Variants in TRPM3 observed in about 807,000 individuals in gnomAD.
The protein encoded by TRPM3 is transient receptor potential cation channel subfamily M member 3, also known as long transient receptor potential channel 3.
Under a neutral mutation model 181.2 loss-of-function variants are expected in TRPM3, and 77 were observed. That is an observed-to-expected ratio of 0.42 (90% CI 0.35 to 0.51). The LOEUF is 0.51. TRPM3 is among the 20% of genes least tolerant of loss of function. The pLI, the probability that TRPM3 is intolerant of heterozygous loss-of-function variation, is 0.01. For missense variants in TRPM3, 1,759 were observed against 2,196.7 expected, an observed-to-expected ratio of 0.80 and a Z score of 3.98; for synonymous variants, 745 against 796.4, an observed-to-expected ratio of 0.94 and a Z score of 1.09.
chr9:70,615,572 C>G (rs2062663666), intron 18 of TRPM3, among the ~76,000 whole-genome samples: 1 of 152,212 alleles, frequency 6.6e-6, no homozygotes, highest in Admixed American at 6.5e-5. Context: ...ATTCCCTTTC[C>G]TTCTCTGTGT....
intron 1 of TRPM3, among the ~76,000 whole-genome samples, chr9:71,120,678 T>C (rs904369821): frequency 6.6e-6 from 1 of 152,200 alleles, no homozygotes; most frequent in Non-Finnish European, 1.5e-5. Context: ...TTTGTTCATC[T>C]TCACCTGACT....
chr9:71,409,385 A>C lies in TRPM3; in HGVS notation c.183+37268T>G, dbSNP rs186296508. ...ACCCATCTCACATGCAGAGACACAC[A>C]TAGGCTCAAAATAAAGGGATAGAGG... On this transcript the variant is annotated intron_variant, in intron 1 of 24. Transcript: ENST00000357533. Among the ~76,000 whole-genome samples the C allele has an allele frequency of 6.6e-5, 10 of 152,330 alleles. No homozygotes were observed. In the East Asian group the frequency reaches 1.9e-3, roughly 29 times the overall value.
intron 1 of TRPM3, among the ~76,000 whole-genome samples, chr9:71,217,400 G>A (rs190842069): frequency 1.2e-3 from 190 of 152,258 alleles, no homozygotes; most frequent in Admixed American, 2.8e-3. Context: ...ACAGAGGTTG[G>A]GGGAAAAGGA....
intron 1 of TRPM3, among the ~76,000 whole-genome samples, chr9:71,194,399 T>G (rs2078217051): frequency 6.6e-6 from 1 of 151,946 alleles, no homozygotes; most frequent in South Asian, 2.1e-4. Flanking sequence ...AAGTCAGGTG[T>G]GGCCCTGTTG....
intron 6 of TRPM3, among the ~76,000 whole-genome samples, chr9:70,795,559 C>T (rs1031237122): frequency 6.6e-6 from 1 of 152,234 alleles, no homozygotes; most frequent in African/African-American, 2.4e-5. Context: ...ATTCCCTTCT[C>T]GTGTGTCCAA....
intron 9 of TRPM3, among the ~76,000 whole-genome samples, chr9:70,671,338 G>A (rs1219627881): frequency 6.6e-6 from 1 of 152,082 alleles, no homozygotes; most frequent in African/African-American, 2.4e-5. Flanking sequence ...AGGGACTGTG[G>A]GTAGGAGTGG....
At chr9:71,135,703 A>G (rs1034381350) in intron 1 of TRPM3, among the ~76,000 whole-genome samples, 6 of 152,190 alleles carry the variant, frequency 3.9e-5, no homozygotes, top group Non-Finnish European at 8.8e-5. Flanking sequence ...GGATATAAGT[A>G]GAGAGTTTTG....
chr9:71,202,845 T>G (rs1168917582), intron 1 of TRPM3, among the ~76,000 whole-genome samples: 1 of 152,174 alleles, frequency 6.6e-6, no homozygotes, highest in African/African-American at 2.4e-5. Flanking sequence ...GTTAGAAGGA[T>G]TAAATGAGAA....
At chr9:71,105,513 G>C (rs1214006587) in intron 1 of TRPM3, among the ~76,000 whole-genome samples, 1 of 152,130 alleles carries the variant, frequency 6.6e-6, no homozygotes, top group Non-Finnish European at 1.5e-5. Flanking sequence ...ATCATGTTAG[G>C]ATTGGCTATT....
chr9:70,768,647 G>A (rs888197168), intron 7 of TRPM3, among the ~76,000 whole-genome samples: 3 of 151,896 alleles, frequency 2.0e-5, no homozygotes, highest in Non-Finnish European at 2.9e-5. Context: ...TGGGCCAGGT[G>A]TGGTGGCTCA....
At chr9:71,132,355 T>C (rs1238465977) in intron 1 of TRPM3, among the ~76,000 whole-genome samples, 5 of 152,164 alleles carry the variant, frequency 3.3e-5, no homozygotes, top group Non-Finnish European at 7.3e-5. Context: ...AATATATATT[T>C]TTAGAAGAAA....
At chr9:71,028,127 C>T (rs539663044) in intron 1 of TRPM3, among the ~76,000 whole-genome samples, 10 of 152,220 alleles carry the variant, frequency 6.6e-5, no homozygotes, top group African/African-American at 2.4e-4. Flanking sequence ...TTAGCAAAAA[C>T]CATACAAGCC....
chr9:70,676,084 G>A lies in TRPM3; in HGVS notation c.1345+5422C>T, dbSNP rs955096314. On this transcript the variant is annotated intron_variant, in intron 9 of 25. Coordinates refer to ENST00000677713, the MANE Select transcript of TRPM3 (RefSeq NM_001366145.2). ...TGTTTTTGATGACCTTGACATTTAT[G>A]AGGAGAAACATATTGTTTTGGCACT... Among the ~76,000 whole-genome samples, 9 of 152,266 alleles carry A rather than the reference G, an allele frequency of 5.9e-5. No individual in the cohort carries two copies. In the South Asian group the frequency reaches 8.3e-4, roughly 14 times the overall value.
chr9:71,268,730 G>T (rs1043943630), intron 1 of TRPM3, among the ~76,000 whole-genome samples: 1 of 152,114 alleles, frequency 6.6e-6, no homozygotes, highest in African/African-American at 2.4e-5. Flanking sequence ...GCTGAGGTGG[G>T]AGAATCACTT....
At chr9:71,341,116 C>A (rs967362480) in intron 1 of TRPM3, among the ~76,000 whole-genome samples, 4 of 151,882 alleles carry the variant, frequency 2.6e-5, no homozygotes, top group Non-Finnish European at 4.4e-5. Flanking sequence ...GGAAAAGGAA[C>A]TCTTATAAAA....
At chr9:70,825,789 C>T (rs7863095) in intron 6 of TRPM3, 56,408 of 152,188 alleles carry the variant, frequency 0.37, 12,171 homozygotes, top group African/African-American at 0.59. Context: ...CCTTCAGGCA[C>T]GTACATTGCA....
Position 70,619,574 on chromosome 9 carries a change from C to T in TRPM3, c.2130-479G>A, listed in dbSNP as rs116554263. 2.8e-3 allele frequency among the ~76,000 whole-genome samples: 425 copies of T among 151,778 alleles called. 3 individuals carry two copies. Among genetic ancestry groups the T allele is most frequent in the African/African-American group, 9.6e-3 (397 of 41,374 alleles). ...GACTACAGGCGTGCACCATCACACCCAGCTAATTTTTAATTTTTTTTTTGG... is the reference window on the plus strand; with the variant it reads ...GACTACAGGCGTGCACCATCACACCTAGCTAATTTTTAATTTTTTTTTTGG... On this transcript the variant is annotated intron_variant, in intron 16 of 25. Coordinates refer to ENST00000677713, the MANE Select transcript of TRPM3 (RefSeq NM_001366145.2).
chr9:71,244,589 T>C (rs1017456608), intron 1 of TRPM3, among the ~76,000 whole-genome samples: 2 of 152,178 alleles, frequency 1.3e-5, no homozygotes, highest in African/African-American at 2.4e-5. Flanking sequence ...AACCAGTACA[T>C]TGGACATTAG....
chr9:70,589,336 G>T (rs1403970819), intron 22 of TRPM3, among the ~76,000 whole-genome samples: 1 of 152,164 alleles, frequency 6.6e-6, no homozygotes, highest in Non-Finnish European at 1.5e-5. Context: ...TAGAGGGACA[G>T]ACAGAATCCC....
Sources: gnomAD v4.1 joint callset for allele counts (sites outside exome capture counted in the v4.1 genomes callset) on GRCh38, gnomAD v4.1.1 for gene constraint, MANE v1.5 for transcripts, NCBI Gene and HGNC (gene_info 2026-07-23, HGNC 2026-07-21) for gene names.